Variants in SDK1 observed in about 807,000 individuals in gnomAD.
SDK1 encodes sidekick cell adhesion molecule 1, also known as protein sidekick-1.
A neutral mutation model predicts 245.5 loss-of-function variants in SDK1; 157 were observed. The ratio of observed to expected loss-of-function variants is 0.64; its 90% CI spans 0.56 to 0.73. The LOEUF is 0.73. SDK1 is among the 30% of genes least tolerant of loss of function. SDK1 has a pLI of 0.00. For missense variants in SDK1, 3,583 were observed against 3,002.3 expected (o/e 1.19, Z -4.52); for synonymous variants, 1,647 against 1,278.5 (o/e 1.29, Z -6.15).
chr7:4,109,602 C>T (rs1305984191), intron 22 of SDK1, among the ~76,000 whole-genome samples: 2 of 152,242 alleles, frequency 1.3e-5, no homozygotes, highest in African/African-American at 2.4e-5. Context: ...CACACGGCCA[C>T]ACGAAACCAG....
intron 1 of SDK1, among the ~76,000 whole-genome samples, chr7:3,546,466 A>G (rs1166407750): frequency 6.6e-6 from 1 of 152,232 alleles, no homozygotes; most frequent in Non-Finnish European, 1.5e-5. Context: ...TCTTCTTACA[A>G]TATCCTACAG....
At chr7:4,028,588 A>G (rs1787545362) in intron 17 of SDK1, among the ~76,000 whole-genome samples, 1 of 152,230 alleles carries the variant, frequency 6.6e-6, no homozygotes, top group South Asian at 2.1e-4. Context: ...TGTTGGGACC[A>G]AGGTGAACCA....
intron 28 of SDK1, among the ~76,000 whole-genome samples, chr7:4,135,835 C>T (rs981387151): frequency 6.6e-5 from 10 of 152,166 alleles, no homozygotes; most frequent in African/African-American, 2.4e-4. Context: ...GCTGGAGGCT[C>T]CCTGGACTTG....
intron 13 of SDK1, among the ~76,000 whole-genome samples, chr7:3,980,872 C>A (rs1464901040): frequency 1.3e-5 from 2 of 151,292 alleles, no homozygotes; most frequent in Non-Finnish European, 2.9e-5. Context: ...ACTCAGGAGG[C>A]GGAGGTTGCA....
intron 35 of SDK1, among the ~76,000 whole-genome samples, chr7:4,195,272 C>T (rs1178270965): frequency 2.0e-5 from 3 of 152,180 alleles, no homozygotes; most frequent in South Asian, 2.1e-4. Context: ...CTTATAGTCA[C>T]GCGATGCGCT....
At chr7:3,339,116 T>C (rs765706012) in intron 1 of SDK1, among the ~76,000 whole-genome samples, 9 of 152,058 alleles carry the variant, frequency 5.9e-5, no homozygotes, top group South Asian at 2.1e-4. Context: ...GAAAAAGATA[T>C]GCCATACAAA....
intron 1 of SDK1, among the ~76,000 whole-genome samples, chr7:3,411,971 A>G (rs1373648534): frequency 1.3e-5 from 2 of 152,222 alleles, no homozygotes; most frequent in Non-Finnish European, 2.9e-5. Context: ...GGAGAAACGC[A>G]CAAAGAAAAG....
chr7:3,821,478 A>T lies in SDK1; in HGVS notation c.742A>T (p.Ile248Phe). Residue 248 changes from isoleucine (I) to phenylalanine (F), a missense_variant, in exon 5 of 45, where the codon ATC becomes TTC. Transcript: ENST00000404826. ...IAITLENQLVILATTTSDAGA... is the reference protein window; with the variant it reads ...IAITLENQLVFLATTTSDAGA... ...CATCACATTGGAGAATCAGCTGGTG[A>T]TCCTCGCCACCACAACCAGTGATGC... is the stretch of plus-strand genomic sequence containing the variant. 5.0e-6 allele frequency: 8 copies of T among 1,613,646 alleles called. No individual in the cohort carries two copies. The highest frequency in any genetic ancestry group is 6.8e-6 in the Non-Finnish European group (8 of 1,179,808).
chr7:3,625,145 A>C (rs1583241374), intron 2 of SDK1, among the ~76,000 whole-genome samples: 2 of 152,310 alleles, frequency 1.3e-5, no homozygotes, highest in South Asian at 4.1e-4. Context: ...ACATCAAAAT[A>C]AATTTTAGAT....
At chr7:4,260,817 T>G (rs1363137487) in intron 44 of SDK1, among the ~76,000 whole-genome samples, 1 of 150,028 alleles carries the variant, frequency 6.7e-6, no homozygotes, top group Admixed American at 6.6e-5. Context: ...ATGGAGAAGC[T>G]GGCTGCTCCG....
At chr7:3,755,419 C>A (rs1779892900) in intron 4 of SDK1, among the ~76,000 whole-genome samples, 1 of 152,122 alleles carries the variant, frequency 6.6e-6, no homozygotes, top group Non-Finnish European at 1.5e-5. Context: ...CACGGTCTGG[C>A]CATTGTCTGT....
intron 32 of SDK1, 48 bp downstream of exon 32, chr7:4,161,904 T>G: frequency 6.6e-7 from 1 of 1,522,318 alleles, no homozygotes; most frequent in Non-Finnish European, 9.1e-7. Flanking sequence ...TGTTCTCATT[T>G]CCCTGCGCAT....
intron 1 of SDK1, among the ~76,000 whole-genome samples, chr7:3,484,351 T>C (rs971349288): frequency 5.9e-5 from 9 of 152,088 alleles, no homozygotes; most frequent in East Asian, 3.8e-4. Flanking sequence ...AACCTACATA[T>C]ATGGGGGCTG....
chr7:4,066,133 C>G (rs551132256), intron 19 of SDK1, among the ~76,000 whole-genome samples: 1 of 152,268 alleles, frequency 6.6e-6, no homozygotes, highest in Admixed American at 6.5e-5. Flanking sequence ...TCTTCTCCAT[C>G]ATTCTTTTCC....
intron 19 of SDK1, among the ~76,000 whole-genome samples, chr7:4,065,183 A>G (rs372686336): frequency 1.7e-3 from 264 of 152,324 alleles, no homozygotes; most frequent in African/African-American, 5.9e-3. Flanking sequence ...AGAAATGTGT[A>G]CAAGTATTAT....
In SDK1 at chr7:3,779,652, T is replaced by G. The variant is rs28593083; in HGVS notation, c.714-41798T>G. On this transcript the variant is annotated intron_variant, in intron 4 of 44. Coordinates refer to ENST00000404826, the MANE Select transcript of SDK1 (RefSeq NM_152744.4). ...AAAATAATAAAGTTAAGATGATGAG[T>G]CCGGGCGCGGTGGCTCACGCCTGTA... 5.5e-3 allele frequency among the ~76,000 whole-genome samples: 843 copies of G among 152,120 alleles called. 9 individuals carry two copies. The highest frequency in any genetic ancestry group is 0.02 in the African/African-American group (810 of 41,526).
At chr7:4,221,111 G>C (rs1404231468) in intron 39 of SDK1, 128 bp from the exon 40 acceptor site, 1 of 1,142,420 alleles carries the variant, frequency 8.8e-7, no homozygotes, top group Admixed American at 2.4e-5. Flanking sequence ...GGGTGCGTGA[G>C]GTTAAGTAAC....
rs184438193 is a variant in SDK1, at chr7:3,410,630, A to C, written c.298+108746A>C. 2.7e-3 allele frequency among the ~76,000 whole-genome samples: 324 copies of C among 122,240 alleles called. 1 individual carries two copies. The highest frequency in any genetic ancestry group is 0.01 in the African/African-American group (306 of 30,136). 80.2% of individuals were successfully genotyped at this position (122,240 alleles called of 152,430 possible). ...GAGAAGGAGTCTTGCTCTGTCGCCT[A>C]GGCTGGAGTGCAGTGGCACGATCTC... On this transcript the variant is annotated intron_variant, in intron 1 of 44. Transcript: ENST00000404826.
At chr7:3,911,502 T>C (rs1779161045) in intron 5 of SDK1, among the ~76,000 whole-genome samples, 1 of 152,154 alleles carries the variant, frequency 6.6e-6, no homozygotes, top group African/African-American at 2.4e-5. Context: ...ACGGGCTTCC[T>C]CAGGCTACCT....
Sources: gnomAD v4.1 joint callset for allele counts (sites outside exome capture counted in the v4.1 genomes callset) on GRCh38, gnomAD v4.1.1 for gene constraint, MANE v1.5 for transcripts, NCBI Gene and HGNC (gene_info 2026-07-23, HGNC 2026-07-21) for gene names.